RPS6KC1: variants seen among roughly 807,000 people sequenced by gnomAD.
RPS6KC1 encodes inactive ribosomal protein S6 kinase delta-1.
A neutral mutation model predicts 103.8 loss-of-function variants in RPS6KC1; 54 were observed. The observed-to-expected ratio is 0.52, with a 90% CI of 0.42 to 0.65. The LOEUF (loss-of-function observed/expected upper bound fraction) is 0.65. Ranked by LOEUF, RPS6KC1 falls within the 30% of genes least tolerant of loss-of-function variation. The pLI is 0.00. For missense variants in RPS6KC1, 1,151 were observed against 1,253.8 expected (o/e 0.92, Z 1.24); for synonymous variants, 439 against 438.7 (o/e 1.00, Z -0.01).
chr1:213,860,107 A>C, the RPS6KC1 span, among the ~76,000 whole-genome samples: 2 of 151,378 alleles, frequency 1.3e-5, no homozygotes, highest in Admixed American at 6.6e-5. Flanking sequence ...AGATACGTAT[A>C]TATATTCAGA....
intron 1 of RPS6KC1, 59 bp from the exon 2 acceptor site, chr1:213,070,946 CA>C: frequency 9.6e-7 from 1 of 1,039,896 alleles, no homozygotes; most frequent in Non-Finnish European, 1.4e-6. Context: ...GTTAATTATA[CA>C]AATATGAAAT....
the RPS6KC1 span, among the ~76,000 whole-genome samples, chr1:213,660,901 C>T: frequency 6.6e-6 from 1 of 152,176 alleles, no homozygotes; most frequent in Non-Finnish European, 1.5e-5. Context: ...ATTCGCCAGT[C>T]GTTGAGTCCT....
the RPS6KC1 span, among the ~76,000 whole-genome samples, chr1:213,837,078 G>A: frequency 6.6e-6 from 1 of 152,136 alleles, no homozygotes; most frequent in Non-Finnish European, 1.5e-5. Flanking sequence ...ATTAAATAAA[G>A]CTCCCAGCAG....
At chr1:213,756,151 G>T in the RPS6KC1 span, among the ~76,000 whole-genome samples, 23,286 of 152,180 alleles carry the variant, frequency 0.15, 1,896 homozygotes, top group Middle Eastern at 0.28. Context: ...ACACTGTTTT[G>T]TACTACTACT....
chr1:213,688,231 C>T, the RPS6KC1 span, among the ~76,000 whole-genome samples: 1 of 152,182 alleles, frequency 6.6e-6, no homozygotes, highest in Non-Finnish European at 1.5e-5. Context: ...GTCCCCTGTA[C>T]CCTCCCACTT....
chr1:213,384,281 A>T, the RPS6KC1 span, among the ~76,000 whole-genome samples: 571 of 141,022 alleles, frequency 4.0e-3, 2 homozygotes, highest in African/African-American at 0.013. Flanking sequence ...ATCTCAAAAA[A>T]AAATATATAT....
chr1:213,284,145 G>T, the RPS6KC1 span, among the ~76,000 whole-genome samples: 5 of 152,126 alleles, frequency 3.3e-5, no homozygotes, highest in Admixed American at 2.0e-4. Context: ...AGAAAGCTCA[G>T]AAATGAGTTG....
At chr1:213,067,429 C>T (rs189634949) in intron 1 of RPS6KC1, among the ~76,000 whole-genome samples, 44 of 152,276 alleles carry the variant, frequency 2.9e-4, no homozygotes, top group Non-Finnish European at 5.6e-4. Context: ...AAAAACTGTC[C>T]GTGGGACCAT....
At chr1:213,225,433 G>A (rs775911881) in intron 8 of RPS6KC1, among the ~76,000 whole-genome samples, 5 of 151,922 alleles carry the variant, frequency 3.3e-5, no homozygotes, top group Non-Finnish European at 7.4e-5. Context: ...TCTTGCTCAG[G>A]CTGGAGTGTG....
the RPS6KC1 span, among the ~76,000 whole-genome samples, chr1:213,745,222 C>A: frequency 2.8e-5 from 4 of 142,652 alleles, 1 homozygote; most frequent in African/African-American, 9.8e-5. Flanking sequence ...TCAATGGAAG[C>A]TAGGGTTTTT....
chr1:213,472,228 G>T, the RPS6KC1 span, among the ~76,000 whole-genome samples: 1 of 152,126 alleles, frequency 6.6e-6, no homozygotes, highest in Non-Finnish European at 1.5e-5. Flanking sequence ...GAAATCAATT[G>T]CTAATTAAAT....
chr1:213,648,368 A>G, the RPS6KC1 span, among the ~76,000 whole-genome samples: 2 of 152,082 alleles, frequency 1.3e-5, no homozygotes, highest in African/African-American at 4.8e-5. Context: ...CTCTAGACCA[A>G]CCACAGAATC....
the RPS6KC1 span, among the ~76,000 whole-genome samples, chr1:213,285,526 TAAG>T: frequency 2.2e-4 from 34 of 152,318 alleles, no homozygotes; most frequent in Non-Finnish European, 3.4e-4. Flanking sequence ...AAAGGAGGAC[TAAG>T]AAGGAGACAG....
At chr1:213,095,221 C>G (rs2081337380) in intron 3 of RPS6KC1, among the ~76,000 whole-genome samples, 1 of 152,166 alleles carries the variant, frequency 6.6e-6, no homozygotes, top group African/African-American at 2.4e-5. Flanking sequence ...TGCTGTTTGG[C>G]TAGAGAGAAT....
intron 12 of RPS6KC1, among the ~76,000 whole-genome samples, chr1:213,256,715 C>T (rs1229560039): frequency 4.6e-5 from 7 of 152,236 alleles, no homozygotes; most frequent in Admixed American, 1.3e-4. Flanking sequence ...GACACTGTGG[C>T]AATCCACATT....
chr1:213,590,447 A>G, the RPS6KC1 span, among the ~76,000 whole-genome samples: 9 of 152,170 alleles, frequency 5.9e-5, no homozygotes, highest in Non-Finnish European at 1.3e-4. Flanking sequence ...AGATCTCAAA[A>G]TGGAGAGATT....
Position 213,249,799 on chromosome 1 carries a change from CTTATT to C in RPS6KC1, c.2911+7146_2911+7150del, listed in dbSNP as rs1482726396. Reference sequence around the variant, plus strand: ...GAAGTCATGTGGTAGTTACTCGTTTCTTATTTTATCTCACAAGAAAACCGTATAGT... The same window carrying C: ...GAAGTCATGTGGTAGTTACTCGTTTCTTATCTCACAAGAAAACCGTATAGT... On this transcript the variant is annotated intron_variant, in intron 12 of 14. Transcript: ENST00000366960. Among the ~76,000 whole-genome samples the C allele has an allele frequency of 4.6e-5, 7 of 152,266 alleles. No homozygotes were observed. The South Asian group carries it at 1.5e-3, about 32-fold the overall frequency.
the RPS6KC1 span, among the ~76,000 whole-genome samples, chr1:213,787,181 T>A: frequency 6.6e-6 from 1 of 152,178 alleles, no homozygotes; most frequent in South Asian, 2.1e-4. Context: ...AAGCATCTTC[T>A]GTGTGTTAGG....
intron 8 of RPS6KC1, among the ~76,000 whole-genome samples, chr1:213,197,944 A>G (rs1245858170): frequency 6.6e-6 from 1 of 152,126 alleles, no homozygotes; most frequent in Admixed American, 6.5e-5. Context: ...GGCCATTTAC[A>G]GTCGATGTTA....
Sources: gnomAD v4.1 joint callset for allele counts (sites outside exome capture counted in the v4.1 genomes callset) on GRCh38, gnomAD v4.1.1 for gene constraint, MANE v1.5 for transcripts, NCBI Gene and HGNC (gene_info 2026-07-23, HGNC 2026-07-21) for gene names.